RMDN1: variants seen among roughly 807,000 people sequenced by gnomAD.
The protein encoded by RMDN1 is regulator of microtubule dynamics 1, also known as regulator of microtubule dynamics protein 1.
A neutral mutation model predicts 48.9 loss-of-function variants in RMDN1; 48 were observed. The ratio of observed to expected loss-of-function variants is 0.98; its 90% CI spans 0.78 to 1.25. The LOEUF is 1.25. Ranked by LOEUF, RMDN1 falls within the 50% of genes most tolerant of loss-of-function variation. The pLI is 0.00. For missense variants in RMDN1, 418 were observed against 373.4 expected, an observed-to-expected ratio of 1.12 and a Z score of -0.98; for synonymous variants, 148 against 132.6, an observed-to-expected ratio of 1.12 and a Z score of -0.80.
Position 86,473,814 on chromosome 8 carries a change from A to G in RMDN1, c.*494T>C. On this transcript the variant is annotated 3_prime_UTR_variant, in exon 10 of 10. Transcript: ENST00000406452. ...TCCATTTTTAGTCATCTCCTTACTT[A>G]GTTCTTTACTTACACAGGTTAGCTC... The G allele has an allele frequency of 1.0e-6, 1 of 982,474 alleles. No homozygotes were observed. Among genetic ancestry groups the G allele is most frequent in the Non-Finnish European group, 1.2e-6 (1 of 827,136 alleles). 60.9% of individuals were successfully genotyped at this position (982,474 alleles called of 1,614,324 possible).
intron 2 of RMDN1, chr8:86,504,813 A>G (rs963696714): frequency 9.6e-7 from 1 of 1,045,200 alleles, no homozygotes. Context: ...CTATACCTCC[A>G]ACTTCTTAGT....
intron 5 of RMDN1, chr8:86,482,843 G>A (rs1466781462): frequency 8.7e-7 from 1 of 1,143,092 alleles, no homozygotes; most frequent in East Asian, 2.3e-5. Flanking sequence ...GTCACTGCGA[G>A]CTCTCTTTGC....
intron 5 of RMDN1, 136 bp downstream of exon 5, chr8:86,484,734 AAG>A (rs1491028335): frequency 8.4e-6 from 4 of 476,416 alleles, no homozygotes; most frequent in Admixed American, 3.9e-5. Flanking sequence ...AAAAAAAAAA[AAG>A]AAATAACAAA....
In RMDN1 at chr8:86,472,354, G is replaced by A. The variant is rs1039151013; in HGVS notation, c.*1954C>T. The stretch of plus-strand genomic sequence containing the variant: ...ATAACAGGTCACAGTCAAAATGCAG[G>A]TGCACAACACAGTTTATTCGGTCTC... On this transcript the variant is annotated 3_prime_UTR_variant, in exon 10 of 10. Transcript: ENST00000406452. The A allele has an allele frequency of 2.9e-6, 2 of 687,002 alleles. No homozygotes were observed. Among genetic ancestry groups the A allele is most frequent in the South Asian group, 1.6e-5 (1 of 64,480 alleles). The allele number at this position is 687,002 out of a possible 1,614,324, so 42.6% of individuals were successfully genotyped here.
At chr8:86,494,599 T>C (rs1010063073) in intron 2 of RMDN1, among the ~76,000 whole-genome samples, 3 of 151,922 alleles carry the variant, frequency 2.0e-5, no homozygotes, top group Admixed American at 6.6e-5. Context: ...CCAGTGATCA[T>C]TTGACTCCCT....
chr8:86,483,824 AG>A (rs1814985543), intron 5 of RMDN1, among the ~76,000 whole-genome samples: 1 of 142,986 alleles, frequency 7.0e-6, no homozygotes. Flanking sequence ...TTTTTGTGGT[AG>A]TTTTTTTTTT....
At chr8:86,485,392 TC>T (rs1815300877) in intron 4 of RMDN1, among the ~76,000 whole-genome samples, 2 of 152,056 alleles carry the variant, frequency 1.3e-5, no homozygotes, top group South Asian at 4.1e-4. Flanking sequence ...ACCACTGTAC[TC>T]CAGCCTGGAC....
At chr8:86,472,139 T>C (rs987982032), downstream of RMDN1, among the ~76,000 whole-genome samples, 93 of 152,340 alleles carry the variant, frequency 6.1e-4, no homozygotes, top group African/African-American at 2.2e-3. Flanking sequence ...TGAACTATTA[T>C]GATGCTTGCA....
upstream of RMDN1, chr8:86,508,840 C>T (rs971796043): frequency 1.6e-6 from 2 of 1,257,882 alleles, no homozygotes; most frequent in African/African-American, 1.6e-5. Context: ...AATGGACTTT[C>T]CGCGCCTGCG....
intron 2 of RMDN1, among the ~76,000 whole-genome samples, chr8:86,492,002 C>T (rs1816582221): frequency 6.6e-6 from 1 of 152,068 alleles, no homozygotes; most frequent in African/African-American, 2.4e-5. Flanking sequence ...TCTTTCATAC[C>T]AATAATACTG....
intron 2 of RMDN1, chr8:86,504,183 A>G (rs1818880583): frequency 2.0e-6 from 3 of 1,504,132 alleles, no homozygotes; most frequent in African/African-American, 1.4e-5. Context: ...TACAAAGTGC[A>G]GCCCTTCCAT....
At chr8:86,513,870 T>A (rs1049176640) in intron 1 of RMDN1, among the ~76,000 whole-genome samples, 1 of 151,772 alleles carries the variant, frequency 6.6e-6, no homozygotes, top group African/African-American at 2.4e-5. Context: ...TTTTTTTTTT[T>A]AAGACAGGGT....
exon 1 of RMDN1, chr8:86,514,332 C>G (rs970079183): frequency 8.9e-6 from 8 of 898,416 alleles, no homozygotes; most frequent in Non-Finnish European, 1.1e-5. Flanking sequence ...ACATGCAGCC[C>G]GGAGTCAGCT....
At chr8:86,501,982 A>G (rs1440171271) in intron 2 of RMDN1, among the ~76,000 whole-genome samples, 1 of 152,112 alleles carries the variant, frequency 6.6e-6, no homozygotes, top group Non-Finnish European at 1.5e-5. Flanking sequence ...ACGGAAAGAT[A>G]ATCACAGATA....
Position 86,486,489 on chromosome 8 carries a change from G to T in RMDN1, c.490C>A (p.His164Asn), listed in dbSNP as rs1815482309. The change falls in exon 4 of 10, where the codon CAT (histidine) becomes AAT (asparagine). Residue 164 changes from histidine (H) to asparagine (N), a missense_variant. By Grantham distance (68) the His-to-Asn change is moderately conservative (BLOSUM62 1). Transcript: ENST00000406452. ...LEKNESSFAS[H>N]KWYAICLSDV... ...AGCTTAGTTAAGCAACTCACCTTATGAGATGCAAAACTTGATTCATTTTTT... is the reference window on the plus strand; with the variant it reads ...AGCTTAGTTAAGCAACTCACCTTATTAGATGCAAAACTTGATTCATTTTTT... 1.9e-6 allele frequency: 3 copies of T among 1,596,712 alleles called. No individual in the cohort carries two copies. Among genetic ancestry groups the T allele is most frequent in the Non-Finnish European group, 2.6e-6 (3 of 1,169,662 alleles).
chr8:86,511,161 C>A (rs1320801962), upstream of RMDN1, among the ~76,000 whole-genome samples: 1 of 149,652 alleles, frequency 6.7e-6, no homozygotes, highest in Non-Finnish European at 1.5e-5. Context: ...GAGACACCGT[C>A]TTTAAAAAAA....
intron 2 of RMDN1, among the ~76,000 whole-genome samples, chr8:86,496,518 T>G (rs1817369255): frequency 6.6e-6 from 1 of 152,080 alleles, no homozygotes; most frequent in South Asian, 2.1e-4. Flanking sequence ...AAACAGATGT[T>G]AAATCATCAA....
In RMDN1 at chr8:86,472,715, G is replaced by T; in HGVS notation, c.*1593C>A. ...GTTATGTCATATTTTTTACTGTTAA[G>T]TACTTATGCATGAATAAGTATAAGA... is the stretch of plus-strand genomic sequence containing the variant. On this transcript the variant is annotated 3_prime_UTR_variant, in exon 10 of 10. Coordinates refer to ENST00000406452, the MANE Select transcript of RMDN1 (RefSeq NM_016033.3). 1 of 492,744 alleles carries T rather than the reference G, an allele frequency of 2.0e-6. No individual in the cohort carries two copies. The highest frequency in any genetic ancestry group is 3.7e-5 in the Admixed American group (1 of 27,004). The allele number at this position is 492,744 out of a possible 1,614,324, so 30.5% of individuals were successfully genotyped here.
intron 2 of RMDN1, among the ~76,000 whole-genome samples, chr8:86,490,121 G>A (rs371221377): frequency 2.6e-5 from 4 of 151,818 alleles, no homozygotes; most frequent in East Asian, 3.9e-4. Context: ...TATTTTTATC[G>A]GATACGTGGC....
Sources: allele counts gnomAD v4.1 joint callset (sites outside exome capture counted in the v4.1 genomes callset), GRCh38; gene constraint gnomAD v4.1.1; transcripts MANE v1.5; gene names NCBI Gene and HGNC (gene_info 2026-07-23, HGNC 2026-07-21).